The following TEX15 variants were observed in gnomAD, a reference collection of about 807,000 sequenced individuals.
The protein encoded by TEX15 is testis-expressed protein 15.
In TEX15, 171 loss-of-function variants were observed where a neutral mutation model predicts 237.3. The observed-to-expected ratio is 0.72, with a 90% confidence interval of 0.64 to 0.82. The LOEUF (loss-of-function observed/expected upper bound fraction) is 0.82. Ranked by LOEUF, TEX15 falls within the 40% of genes least tolerant of loss-of-function variation. TEX15 has a pLI of 0.00. For missense variants in TEX15, 3,750 were observed against 3,646.5 expected, an observed-to-expected ratio of 1.03 and a Z score of -0.73; for synonymous variants, 1,338 against 1,269.8, an observed-to-expected ratio of 1.05 and a Z score of -1.14.
chr8:30,849,739 C>CA (rs1005050140), intron 7 of TEX15, among the ~76,000 whole-genome samples: 47 of 147,880 alleles, frequency 3.2e-4, no homozygotes, highest in East Asian at 5.9e-4. Flanking sequence ...TGCTAAAATA[C>CA]AAAAAAAAAA....
Position 30,886,492 on chromosome 8 carries a change from G to GT in TEX15, c.136+674dup, listed in dbSNP as rs1361423983. On this transcript the variant is annotated intron_variant, in intron 3 of 10. Transcript: ENST00000643185. ...GACAACTCATCACCACAAAGCAAGGGTAGATATCAACTGACATTGCAGGAG... is the reference window on the plus strand; with the variant it reads ...GACAACTCATCACCACAAAGCAAGGGTTAGATATCAACTGACATTGCAGGAG... 5.9e-5 allele frequency among the ~76,000 whole-genome samples: 9 copies of GT among 152,320 alleles called. No individual in the cohort carries two copies. The East Asian group carries it at 1.5e-3, about 26-fold the overall frequency.
At chr8:30,840,665 A>G (rs560471771) in intron 8 of TEX15, among the ~76,000 whole-genome samples, 33 of 152,300 alleles carry the variant, frequency 2.2e-4, no homozygotes, top group African/African-American at 7.5e-4. Flanking sequence ...TGTAAGTAGT[A>G]TTGTATACAG....
intron 1 of TEX15, among the ~76,000 whole-genome samples, chr8:30,907,970 G>C (rs1424686095): frequency 3.9e-5 from 6 of 151,988 alleles, no homozygotes; most frequent in Non-Finnish European, 7.4e-5. Flanking sequence ...CTGATGCAGA[G>C]GCACAGTGAT....
At chr8:30,901,977 G>T (rs1003545478) in intron 1 of TEX15, among the ~76,000 whole-genome samples, 1 of 152,166 alleles carries the variant, frequency 6.6e-6, no homozygotes, top group African/African-American at 2.4e-5. Context: ...AGTGAACTAG[G>T]GGAAGTGGTT....
At chr8:30,858,852 A>T in intron 6 of TEX15, 22 bp from the exon 7 acceptor site, 1 of 1,480,736 alleles carries the variant, frequency 6.8e-7, no homozygotes, top group East Asian at 2.5e-5. Flanking sequence ...AAACAGGTTC[A>T]TGCTGATTAA....
At chr8:30,882,468 A>G (rs564468242) in intron 3 of TEX15, among the ~76,000 whole-genome samples, 1 of 152,106 alleles carries the variant, frequency 6.6e-6, no homozygotes, top group Non-Finnish European at 1.5e-5. Context: ...TTGTATTTTT[A>G]GTAGAGACAG....
chr8:30,888,657 G>GCC, intron 2 of TEX15: 1 of 1,289,370 alleles, frequency 7.8e-7, no homozygotes, highest in Middle Eastern at 2.1e-4. Flanking sequence ...ATGGTTGATG[G>GCC]CCCTCCTGAC....
At chr8:30,841,766 G>A (rs1341107425) in intron 8 of TEX15, among the ~76,000 whole-genome samples, 1 of 152,094 alleles carries the variant, frequency 6.6e-6, no homozygotes, top group Admixed American at 6.5e-5. Flanking sequence ...TGTTTTCTAA[G>A]TTAAAACATT....
rs201326666 is a variant in TEX15 at position 30,848,763 on chromosome 8, T to A, written c.1404A>T (p.Glu468Asp). The part of the protein sequence containing the change: ...FEKSSDNVNS[E>D]IKSTPSNSAS... Reference sequence around the variant, plus strand: ...CAGAATTAGATGGTGTCGATTTTATTTCTGAATTAACATTATCTGAACTCT... The same window carrying A: ...CAGAATTAGATGGTGTCGATTTTATATCTGAATTAACATTATCTGAACTCT... The change falls in exon 8 of 11, where the codon GAA becomes GAT. Residue 468 changes from glutamate to aspartate, a missense_variant. Physicochemically the swap from Glu to Asp is conservative, Grantham distance 45. Transcript: ENST00000643185. 1.2e-5 allele frequency: 19 copies of A among 1,614,172 alleles called. No individual in the cohort carries two copies. In the East Asian group the frequency reaches 4.2e-4, roughly 36 times the overall value.
At chr8:30,885,493 T>C (rs1432658199) in intron 3 of TEX15, among the ~76,000 whole-genome samples, 4 of 151,972 alleles carry the variant, frequency 2.6e-5, no homozygotes, top group Non-Finnish European at 5.9e-5. Context: ...GTAAGTCCAT[T>C]ATAAACCTCT....
chr8:30,873,394 T>A (rs1011012713), intron 4 of TEX15, among the ~76,000 whole-genome samples: 13 of 152,186 alleles, frequency 8.5e-5, no homozygotes, highest in Non-Finnish European at 1.9e-4. Flanking sequence ...GAGAAAATAA[T>A]GTTTCTTGTG....
At chr8:30,852,694 T>TA (rs979042253) in intron 7 of TEX15, among the ~76,000 whole-genome samples, 9 of 150,374 alleles carry the variant, frequency 6.0e-5, no homozygotes, top group African/African-American at 9.8e-5. Flanking sequence ...CCTACGGAAA[T>TA]AAAAAAAAAT....
In TEX15 at chr8:30,884,620, C is replaced by G. The variant is rs565405929; in HGVS notation, c.136+2547G>C. Among the ~76,000 whole-genome samples, 5 of 152,128 alleles carry G rather than the reference C, an allele frequency of 3.3e-5. No homozygotes were observed. In the South Asian group the frequency reaches 1.0e-3, roughly 32 times the overall value. On this transcript the variant is annotated intron_variant, in intron 3 of 10. Coordinates refer to ENST00000643185, the MANE Select transcript of TEX15 (RefSeq NM_001350162.2). ...CATCTAGGTCACCAAATTTATGGGC[C>G]CAGAGTTGTTCATAGTATCCCTTAT... is the stretch of plus-strand genomic sequence containing the variant.
At chr8:30,899,392 G>A (rs1205553424) in intron 1 of TEX15, among the ~76,000 whole-genome samples, 2 of 152,088 alleles carry the variant, frequency 1.3e-5, no homozygotes, top group East Asian at 3.8e-4. Flanking sequence ...TCAAGTCCAG[G>A]CCTGATGCTT....
At chr8:30,835,077 T>G (rs142466001) in intron 10 of TEX15, among the ~76,000 whole-genome samples, 5 of 152,224 alleles carry the variant, frequency 3.3e-5, no homozygotes, top group Non-Finnish European at 5.9e-5. Context: ...GAGACCACCC[T>G]AGGCAACACA....
intron 4 of TEX15, among the ~76,000 whole-genome samples, chr8:30,872,808 G>C (rs1430840429): frequency 6.6e-6 from 1 of 152,120 alleles, no homozygotes; most frequent in African/African-American, 2.4e-5. Flanking sequence ...ATTTTGTACA[G>C]TTGCACAACG....
intron 1 of TEX15, among the ~76,000 whole-genome samples, chr8:30,912,464 C>T (rs1343818282): frequency 6.6e-6 from 1 of 152,232 alleles, no homozygotes; most frequent in Non-Finnish European, 1.5e-5. Flanking sequence ...CAGGGCGAGG[C>T]GGAGGCCACC....
intron 2 of TEX15, 95 bp from the exon 3 acceptor site, chr8:30,887,406 A>C: frequency 8.9e-7 from 1 of 1,119,230 alleles, no homozygotes; most frequent in East Asian, 3.0e-5. Flanking sequence ...ACAAAAGTAA[A>C]TGGTAAAATG....
In TEX15 at chr8:30,832,008, G is replaced by A. The variant is rs1350220783; in HGVS notation, c.*1278C>T. ...CTTTTCAAATCTCTTACTTCTTTCG[G>A]TTACAGTTCTTTGCTTGACCTTCCC... On this transcript the variant is annotated 3_prime_UTR_variant, in exon 11 of 11. Transcript: ENST00000643185. 1 of 152,030 alleles carries A rather than the reference G, an allele frequency of 6.6e-6. No homozygotes were observed. Among genetic ancestry groups the A allele is most frequent in the African/African-American group, 2.4e-5 (1 of 41,392 alleles). 9.4% of individuals were successfully genotyped at this position (152,030 alleles called of 1,614,324 possible).
Sources: allele counts gnomAD v4.1 joint callset (sites outside exome capture counted in the v4.1 genomes callset), GRCh38; gene constraint gnomAD v4.1.1; transcripts MANE v1.5; gene names NCBI Gene and HGNC (gene_info 2026-07-23, HGNC 2026-07-21).